Variants in MYO9A observed in about 807,000 individuals in gnomAD.
MYO9A encodes myosin IXA, also known as unconventional myosin-IXa.
In MYO9A, 103 loss-of-function variants were observed where a neutral mutation model predicts 293.3. The ratio of observed to expected loss-of-function variants is 0.35; its 90% CI spans 0.30 to 0.41. The LOEUF is 0.41. Among genes scored for constraint, MYO9A ranks in the 10% least tolerant of loss-of-function variants. The probability of loss-of-function intolerance (pLI) is 1.00; values close to 1 mark genes in which losing one functional copy is unlikely to be tolerated. For synonymous variants in MYO9A, 1,001 were observed against 1,035.7 expected (o/e 0.97, Z 0.64); for missense variants, 2,685 against 3,033.0 (o/e 0.89, Z 2.69).
rs139899006 is a variant in MYO9A at position 71,901,419 on chromosome 15, T to C, written c.3001-79A>G. On this transcript the variant is annotated intron_variant, in intron 22 of 41. Transcript: ENST00000356056. ...ATTTCATGAATCATCCTTTCTGTGA[T>C]AAGCTTTTAGAGAAGAACAAACACA... The C allele has an allele frequency of 9.1e-5, 130 of 1,431,458 alleles. No individual in the cohort carries two copies. In the African/African-American group the frequency reaches 1.7e-3, roughly 18 times the overall value. The allele number at this position is 1,431,458 out of a possible 1,614,324, so 88.7% of individuals were successfully genotyped here.
rs11397735 is a variant in MYO9A at position 72,047,774 on chromosome 15, CTTTT to C, written c.-71-1144_-71-1141del. Reference sequence around the variant, plus strand: ...AAGAAGAAATACTTTCAGTTACTTCCTTTTTTTTTTTTTTTTTTTTTGAGACAGG... The same window carrying C: ...AAGAAGAAATACTTTCAGTTACTTCCTTTTTTTTTTTTTTTTTGAGACAGG... On this transcript the variant is annotated intron_variant, in intron 1 of 41. Transcript: ENST00000356056. Among the ~76,000 whole-genome samples the C allele has an allele frequency of 5.4e-5, 4 of 74,390 alleles. No individual in the cohort carries two copies. The Admixed American group carries it at 7.1e-4, about 13-fold the overall frequency. The allele number at this position is 74,390 out of a possible 152,430, so 48.8% of individuals were successfully genotyped here. A position where few individuals can be genotyped will look rare whatever the true frequency, so the allele number is the denominator to read the frequency against.
intron 33 of MYO9A, 55 bp downstream of exon 33, chr15:71,862,445 A>G (rs1323903281): frequency 1.4e-5 from 19 of 1,367,272 alleles, no homozygotes; most frequent in South Asian, 1.2e-5. Context: ...AGACAACTCA[A>G]GGAAACAGAA....
chr15:71,975,671 G>C (rs2076127050), intron 12 of MYO9A, among the ~76,000 whole-genome samples: 1 of 152,050 alleles, frequency 6.6e-6, no homozygotes, highest in Admixed American at 6.6e-5. Context: ...ATTCCAGAAA[G>C]GGTCCTGCCC....
chr15:72,100,368 C>T (rs993883476), intron 1 of MYO9A, among the ~76,000 whole-genome samples: 5 of 152,128 alleles, frequency 3.3e-5, no homozygotes, highest in African/African-American at 4.8e-5. Flanking sequence ...GGCGTGGTCT[C>T]GGCTCGCTAC....
At chr15:72,058,019 C>T (rs914596101) in intron 1 of MYO9A, among the ~76,000 whole-genome samples, 2 of 152,186 alleles carry the variant, frequency 1.3e-5, no homozygotes, top group Non-Finnish European at 2.9e-5. Flanking sequence ...CAAAAAATCT[C>T]ACAACCTAAA....
At position 72,010,358 on chromosome 15, in the gene MYO9A, T is replaced by C. The variant is rs371953150; in HGVS notation, c.1245A>G (p.Thr415=). The change falls in exon 7 of 42, where the codon ACA becomes ACG. Residue 415 remains threonine, a synonymous_variant. Coordinates refer to ENST00000356056, the MANE Select transcript of MYO9A (RefSeq NM_006901.4). Reference sequence around the variant, plus strand: ...ACAACAAGTAAACTCACTGTCTTCGTGTCTTGGGAAGAAATCCTACCATTT... The same window carrying C: ...ACAACAAGTAAACTCACTGTCTTCGCGTCTTGGGAAGAAATCCTACCATTT... ...AMEMVGFLPK[T]RRQIFSLLSA... is the part of the protein sequence containing the mutation. The C allele has an allele frequency of 6.2e-7, 1 of 1,613,152 alleles. No individual in the cohort carries two copies. The highest frequency in any genetic ancestry group is 8.5e-7 in the Non-Finnish European group (1 of 1,179,270).
intron 26 of MYO9A, chr15:71,892,980 G>A (rs777327465): frequency 2.4e-6 from 3 of 1,274,952 alleles, no homozygotes; most frequent in East Asian, 5.6e-5. Context: ...CGGAGTCACT[G>A]TGAGAGGCCT....
intron 6 of MYO9A, among the ~76,000 whole-genome samples, chr15:72,014,815 A>G (rs1439487608): frequency 6.6e-6 from 1 of 151,874 alleles, no homozygotes; most frequent in Non-Finnish European, 1.5e-5. Context: ...GAAAGAAAAG[A>G]AAAGAGAAGA....
chr15:72,087,112 G>A (rs922254206), intron 1 of MYO9A, among the ~76,000 whole-genome samples: 2 of 152,172 alleles, frequency 1.3e-5, no homozygotes, highest in African/African-American at 4.8e-5. Context: ...GTGTGGTCAG[G>A]TCAGCCAGCC....
intron 1 of MYO9A, among the ~76,000 whole-genome samples, chr15:72,056,949 A>C (rs542661273): frequency 6.6e-6 from 1 of 152,288 alleles, no homozygotes; most frequent in Admixed American, 6.5e-5. Flanking sequence ...GTCTTTACTA[A>C]AAGTACAAAA....
At chr15:71,951,613 AAAAG>A (rs1192304062) in intron 15 of MYO9A, 160 bp downstream of exon 15, 2 of 685,774 alleles carry the variant, frequency 2.9e-6, no homozygotes, top group Non-Finnish European at 4.6e-6. Context: ...CAGTATTTTC[AAAAG>A]AAAGTACTAA....
At chr15:72,078,299 G>A (rs2079433751) in intron 1 of MYO9A, among the ~76,000 whole-genome samples, 1 of 152,152 alleles carries the variant, frequency 6.6e-6, no homozygotes. Context: ...TTCAAGACCA[G>A]CCTGGGCAAT....
At chr15:71,851,134 C>G in intron 37 of MYO9A, 119 bp downstream of exon 37, 1 of 789,288 alleles carries the variant, frequency 1.3e-6, no homozygotes, top group Non-Finnish European at 2.0e-6. Flanking sequence ...GAGACACTGA[C>G]TTTATAAATA....
intron 25 of MYO9A, chr15:71,897,242 G>C: frequency 1.9e-6 from 1 of 537,000 alleles, no homozygotes; most frequent in South Asian, 3.0e-5. Context: ...GAGGAACCCA[G>C]TATTTACTCT....
chr15:71,913,879 GTAA>G (rs1326458912), intron 19 of MYO9A, among the ~76,000 whole-genome samples: 3 of 83,218 alleles, frequency 3.6e-5, no homozygotes, highest in South Asian at 4.2e-4. Flanking sequence ...AATGCCTCAT[GTAA>G]TAAAAGGTCG....
At chr15:71,887,616 T>C (rs2057058910) in intron 27 of MYO9A, among the ~76,000 whole-genome samples, 1 of 152,136 alleles carries the variant, frequency 6.6e-6, no homozygotes, top group Non-Finnish European at 1.5e-5. Context: ...TTCTCTAAAA[T>C]TAATTGTTCA....
At chr15:72,045,084 G>C (rs1282337457) in intron 2 of MYO9A, 4 of 152,076 alleles carry the variant, frequency 2.6e-5, no homozygotes, top group Non-Finnish European at 5.9e-5. Flanking sequence ...TTTAAGAATA[G>C]GAACAGTATT....
At chr15:71,933,639 C>T (rs752358576) in intron 18 of MYO9A, 31 bp downstream of exon 18, 2 of 1,578,104 alleles carry the variant, frequency 1.3e-6, no homozygotes, top group East Asian at 4.5e-5. Context: ...TAGCAGAATA[C>T]CAATACAAAA....
At chr15:71,907,788 GTTGT>G (rs1405381662) in intron 19 of MYO9A, among the ~76,000 whole-genome samples, 300 of 152,216 alleles carry the variant, frequency 2.0e-3, no homozygotes, top group African/African-American at 5.6e-3. Flanking sequence ...TTTTGATGGG[GTTGT>G]TTGTTTTTTT....
Sources: gnomAD v4.1 joint callset for allele counts (sites outside exome capture counted in the v4.1 genomes callset) on GRCh38, gnomAD v4.1.1 for gene constraint, MANE v1.5 for transcripts, NCBI Gene and HGNC (gene_info 2026-07-23, HGNC 2026-07-21) for gene names.